CEBPZ: variants seen among roughly 807,000 people sequenced by gnomAD.
CEBPZ encodes CCAAT/enhancer-binding protein zeta.
In CEBPZ, 78 loss-of-function variants were observed where a neutral mutation model predicts 104.5. The ratio of observed to expected loss-of-function variants is 0.75; its 90% CI spans 0.62 to 0.90. The LOEUF is 0.90. Ranked by LOEUF, CEBPZ falls within the 40% of genes least tolerant of loss-of-function variation. The pLI, the probability that CEBPZ is intolerant of heterozygous loss-of-function variation, is 0.00. For missense variants in CEBPZ, 1,439 were observed against 1,233.5 expected (o/e 1.17, Z -2.50); for synonymous variants, 470 against 427.0 (o/e 1.10, Z -1.24).
rs1377054427 is a variant in CEBPZ, at chr2:37,228,009, T to C, written c.1184A>G (p.Gln395Arg). 5.6e-6 allele frequency: 9 copies of C among 1,614,102 alleles called. No individual in the cohort carries two copies. The African/African-American group carries it at 1.1e-4, about 19-fold the overall frequency. ...VQVVNKLGDP[Q>R]NRIATKASHL... is the part of the protein sequence containing the mutation. The stretch of plus-strand genomic sequence containing the variant: ...GGATGCTTTTGTGGCAATTCTGTTC[T>C]GAGGATCTCCCAGTTTATTTACCAC... The change falls in exon 2 of 16, where the codon CAG (glutamine) becomes CGG (arginine). Residue 395 changes from glutamine (Q) to arginine (R), a missense_variant. Gln to Arg is a conservative substitution (Grantham distance 43). Coordinates refer to ENST00000234170, the MANE Select transcript of CEBPZ (RefSeq NM_005760.3).
chr2:37,214,725 A>T lies in CEBPZ; in HGVS notation c.2447+161T>A, dbSNP rs577380456. Among the ~76,000 whole-genome samples, 103 of 152,286 alleles carry T rather than the reference A, an allele frequency of 6.8e-4. No individual in the cohort carries two copies. In the South Asian group the frequency reaches 0.014, roughly 21 times the overall value. ...CTGATTAGATTTCATAAAATGAAGC[A>T]TTTAAAACTAAGGCCACTTCTCCCA... On this transcript the variant is annotated intron_variant, in intron 9 of 15. Coordinates refer to ENST00000234170, the MANE Select transcript of CEBPZ (RefSeq NM_005760.3).
chr2:37,213,924 G>T lies in CEBPZ; in HGVS notation c.2485C>A (p.Arg829=). 6.3e-7 allele frequency: 1 copy of T among 1,588,646 alleles called. No homozygotes were observed. Residue 829 remains arginine (R), a synonymous_variant, in exon 10 of 16, where the codon CGG becomes AGG. Transcript: ENST00000234170. ...TCTATACTTTCTTCATCTGCATCCC[G>T]TTTTTGTTTCTCTTTAACAGCAACT... ...KKVAVKEKQK[R]DADEESIEDV...
chr2:37,207,644 C>G (rs866560548), intron 13 of CEBPZ, among the ~76,000 whole-genome samples: 1 of 152,268 alleles, frequency 6.6e-6, no homozygotes, highest in South Asian at 2.1e-4. Flanking sequence ...TGGGATACAG[C>G]AAAAGCGGCA....
chr2:37,228,407 T>C lies in CEBPZ; in HGVS notation c.786A>G (p.Thr262=). Residue 262 remains threonine (T), a synonymous_variant, in exon 2 of 16, where the codon ACA becomes ACG. Transcript: ENST00000234170. ...ILLIQDDAVH[T]LQFVETLVNL... ...TCACAAGAGTTTCTACAAACTGAAG[T>C]GTGTGAACGGCATCATCCTGAATAA... is the stretch of plus-strand genomic sequence containing the variant. 6.2e-7 allele frequency: 1 copy of C among 1,614,214 alleles called. No individual in the cohort carries two copies. The highest frequency in any genetic ancestry group is 2.2e-5 in the East Asian group (1 of 44,890).
chr2:37,202,157 CT>C, intron 15 of CEBPZ: 1 of 282,416 alleles, frequency 3.5e-6, no homozygotes, highest in Non-Finnish European at 6.5e-6. Flanking sequence ...AGCACTTTTA[CT>C]GGTGAAATAA....
intron 4 of CEBPZ, 55 bp from the exon 5 acceptor site, chr2:37,220,528 G>T: frequency 1.1e-6 from 1 of 922,650 alleles, no homozygotes; most frequent in Non-Finnish European, 1.6e-6. Flanking sequence ...TAGCCCAAGA[G>T]GTCATTAAAA....
chr2:37,226,739 T>G (rs941313887), intron 2 of CEBPZ, among the ~76,000 whole-genome samples: 1 of 152,148 alleles, frequency 6.6e-6, no homozygotes, highest in Non-Finnish European at 1.5e-5. Context: ...GATATATCTA[T>G]GTAAAAATAT....
At position 37,228,781 on chromosome 2, in the gene CEBPZ, T is replaced by C. The variant is rs774484697; in HGVS notation, c.412A>G (p.Lys138Glu). ...TAESQRTSVNKVKNKNRPEPH... is the reference protein window; with the variant it reads ...TAESQRTSVNEVKNKNRPEPH... ...TCTGGCCTATTCTTATTTTTCACCT[T>C]ATTAACTGATGTCCTTTGACTTTCT... Residue 138 changes from lysine (K) to glutamate (E), a missense_variant, in exon 2 of 16, where the codon AAG becomes GAG. By Grantham distance (56) the Lys-to-Glu change is moderately conservative. Coordinates refer to ENST00000234170, the MANE Select transcript of CEBPZ (RefSeq NM_005760.3). 1.2e-6 allele frequency: 2 copies of C among 1,613,494 alleles called. No homozygotes were observed. The highest frequency in any genetic ancestry group is 3.3e-5 in the Admixed American group (2 of 59,962).
intron 2 of CEBPZ, among the ~76,000 whole-genome samples, chr2:37,226,838 T>C (rs1007057834): frequency 1.4e-4 from 22 of 152,296 alleles, no homozygotes; most frequent in African/African-American, 5.3e-4. Context: ...TGTTTACACA[T>C]TGCTGAAAAT....
chr2:37,209,422 C>T (rs1677646811), intron 13 of CEBPZ: 1 of 152,180 alleles, frequency 6.6e-6, no homozygotes, highest in Non-Finnish European at 1.5e-5. Context: ...ACCAAAATAG[C>T]ATGGTACTTG....
chr2:37,216,034 G>C lies in CEBPZ; in HGVS notation c.2380+106C>G. 6 of 717,292 alleles carry C rather than the reference G, an allele frequency of 8.4e-6. No individual in the cohort carries two copies. In the South Asian group the frequency reaches 1.4e-4, roughly 17 times the overall value. 44.4% of individuals were successfully genotyped at this position (717,292 alleles called of 1,614,324 possible). The stretch of plus-strand genomic sequence containing the variant: ...GGGAAAAAAGATGGATAATGTCTTT[G>C]ATGCTCAGGTTTTATTCTGATAAAT... On this transcript the variant is annotated intron_variant, in intron 8 of 15. Coordinates refer to ENST00000234170, the MANE Select transcript of CEBPZ (RefSeq NM_005760.3).
intron 1 of CEBPZ, chr2:37,231,197 A>C: frequency 1.4e-6 from 1 of 718,608 alleles, no homozygotes; most frequent in South Asian, 1.5e-5. Flanking sequence ...CATCCTAAGA[A>C]TAGCCAGAGA....
chr2:37,216,250 A>G, intron 7 of CEBPZ, 42 bp from the exon 8 acceptor site: 1 of 1,600,964 alleles, frequency 6.2e-7, no homozygotes, highest in Non-Finnish European at 8.6e-7. Flanking sequence ...AAACCTAGTT[A>G]TAAGCTCATA....
chr2:37,231,282 G>A lies in CEBPZ; in HGVS notation c.156+130C>T, dbSNP rs200825133. The A allele has an allele frequency of 2.1e-4, 271 of 1,262,974 alleles. 1 individual carries two copies. Among genetic ancestry groups the A allele is most frequent in the Non-Finnish European group, 2.6e-4 (228 of 873,664 alleles). 78.2% of individuals were successfully genotyped at this position (1,262,974 alleles called of 1,614,324 possible). ...GGCGTGGGAAGCGCACCGAACACATGCTTCAGAGGCTGGGATCTCGGTCCT... is the reference window on the plus strand; with the variant it reads ...GGCGTGGGAAGCGCACCGAACACATACTTCAGAGGCTGGGATCTCGGTCCT... On this transcript the variant is annotated intron_variant, in intron 1 of 15. Coordinates refer to ENST00000234170, the MANE Select transcript of CEBPZ (RefSeq NM_005760.3).
At position 37,211,388 on chromosome 2, in the gene CEBPZ, T is replaced by C. The variant is rs144435889; in HGVS notation, c.2801-306A>G. 163 of 255,532 alleles carry C rather than the reference T, an allele frequency of 6.4e-4. 2 individuals carry two copies. In the East Asian group the frequency reaches 8.2e-3, roughly 13 times the overall value. The allele number at this position is 255,532 out of a possible 1,614,324, so 15.8% of individuals were successfully genotyped here. On this transcript the variant is annotated intron_variant, in intron 12 of 15. Transcript: ENST00000234170. ...TGGTTCAGAATAAGTAAGAAGAATG[T>C]TGGGCAGGCATGTGCATGCTGGAGG...
Position 37,211,956 on chromosome 2 carries a change from A to G in CEBPZ, c.2687T>C (p.Leu896Pro). Residue 896 changes from leucine to proline, a missense_variant, in exon 12 of 16, where the codon CTG (leucine) becomes CCG (proline). Physicochemically the swap from Leu to Pro is moderately conservative, Grantham distance 98. Coordinates refer to ENST00000234170, the MANE Select transcript of CEBPZ (RefSeq NM_005760.3). ...SEGSDDELGN[L>P]DDDEVSLGSM... is the part of the protein sequence containing the mutation. ...TCCTAAAGAAACTTCATCGTCATCC[A>G]GGTTACCAAGTTCATCATCACTACC... 1.2e-6 allele frequency: 2 copies of G among 1,613,714 alleles called. No individual in the cohort carries two copies. Among genetic ancestry groups the G allele is most frequent in the Non-Finnish European group, 1.7e-6 (2 of 1,179,808 alleles).
chr2:37,213,147 T>TAATA (rs1215110792), intron 10 of CEBPZ, among the ~76,000 whole-genome samples: 1 of 152,206 alleles, frequency 6.6e-6, no homozygotes, highest in Admixed American at 6.5e-5. Context: ...TTAAGTCTAT[T>TAATA]AAGTTTCAAT....
intron 6 of CEBPZ, 75 bp downstream of exon 6, chr2:37,216,909 G>A: frequency 8.3e-7 from 1 of 1,209,114 alleles, no homozygotes; most frequent in East Asian, 2.3e-5. Context: ...AGAAAACACT[G>A]TATGACCAAT....
At position 37,222,376 on chromosome 2, in the gene CEBPZ, T is replaced by G. The variant is rs1664789455; in HGVS notation, c.2065+4A>C. 13 of 1,569,858 alleles carry G rather than the reference T, an allele frequency of 8.3e-6. No homozygotes were observed. Among genetic ancestry groups the G allele is most frequent in the Non-Finnish European group, 1.0e-5 (12 of 1,165,072 alleles). ...CCTAGAGAATAAAGATGAAAAAAAC[T>G]CACCTTTCAAATTATCAAAGTGCAC... On this transcript the variant is annotated splice_donor_region_variant and intron_variant, in intron 4 of 15. Transcript: ENST00000234170.
Sources: allele counts gnomAD v4.1 joint callset (sites outside exome capture counted in the v4.1 genomes callset), GRCh38; gene constraint gnomAD v4.1.1; transcripts MANE v1.5; gene names NCBI Gene and HGNC (gene_info 2026-07-23, HGNC 2026-07-21).